The following CFTR variants were observed in gnomAD, a reference collection of about 807,000 sequenced individuals.
The protein encoded by CFTR is CF transmembrane conductance regulator.
Under a neutral mutation model 171.6 loss-of-function variants are expected in CFTR, and 181 were observed. The observed-to-expected ratio is 1.05, with a 90% CI of 0.93 to 1.19. The LOEUF is 1.19. Ranked by LOEUF, CFTR falls within the 50% of genes most tolerant of loss-of-function variation. CFTR has a pLI of 0.00. For missense variants in CFTR, 1,968 were observed against 1,734.7 expected (o/e 1.13, Z -2.39); for synonymous variants, 583 against 608.0 (o/e 0.96, Z 0.60).
intron 20 of CFTR, among the ~76,000 whole-genome samples, chr7:117,612,294 TA>T (rs1487110082): frequency 6.6e-6 from 1 of 150,916 alleles, no homozygotes; most frequent in African/African-American, 2.4e-5. Flanking sequence ...TTGTTTTTTT[TA>T]AATCTCTACT....
intron 4 of CFTR, among the ~76,000 whole-genome samples, chr7:117,532,031 T>C (rs965564002): frequency 6.6e-6 from 1 of 151,622 alleles, no homozygotes. Context: ...AAAACCTTGA[T>C]AACCATACTT....
chr7:117,588,981 A>C (rs182779031), intron 12 of CFTR, among the ~76,000 whole-genome samples: 247 of 152,236 alleles, frequency 1.6e-3, no homozygotes, highest in Middle Eastern at 6.8e-3. Flanking sequence ...TATTCTAAGA[A>C]TTCCACAAAT....
At chr7:117,647,345 G>C (rs1793008491) in intron 23 of CFTR, 1 of 152,052 alleles carries the variant, frequency 6.6e-6, no homozygotes, top group Non-Finnish European at 1.5e-5. Context: ...AATGTAACTG[G>C]CTCACGGTTC....
At chr7:117,616,201 T>C (rs1201831973) in intron 21 of CFTR, 4 of 149,570 alleles carry the variant, frequency 2.7e-5, no homozygotes, top group Admixed American at 6.8e-5. Flanking sequence ...AATTGGAACA[T>C]GATTTATACT....
At chr7:117,525,200 G>A (rs1414450342) in intron 3 of CFTR, among the ~76,000 whole-genome samples, 1 of 152,190 alleles carries the variant, frequency 6.6e-6, no homozygotes, top group Non-Finnish European at 1.5e-5. Context: ...TTCCAGGTTT[G>A]TGATTAGTTT....
At chr7:117,534,428 G>A (rs764110352) in intron 5 of CFTR, 63 bp downstream of exon 5, 15 of 914,200 alleles carry the variant, frequency 1.6e-5, no homozygotes, top group African/African-American at 9.8e-5. Context: ...CTGGAAAGGC[G>A]GAGTTTTCCT....
intron 8 of CFTR, among the ~76,000 whole-genome samples, chr7:117,540,716 G>A (rs897703540): frequency 6.6e-6 from 1 of 152,044 alleles, no homozygotes; most frequent in Admixed American, 6.5e-5. Flanking sequence ...CTTTTTTGCT[G>A]TTTATTTAAA....
At chr7:117,590,691 G>C (rs1792012676) in intron 13 of CFTR, among the ~76,000 whole-genome samples, 1 of 151,950 alleles carries the variant, frequency 6.6e-6, no homozygotes, top group Admixed American at 6.6e-5. Context: ...TATAGCAATT[G>C]CTATCTATGT....
At chr7:117,529,259 C>G (rs1307632707) in intron 3 of CFTR, among the ~76,000 whole-genome samples, 1 of 102,320 alleles carries the variant, frequency 9.8e-6, no homozygotes, top group South Asian at 3.3e-4. Context: ...AGTAAACTAT[C>G]GCAAGAACAA....
chr7:117,491,184 T>C (rs1344442568), intron 1 of CFTR, among the ~76,000 whole-genome samples: 1 of 152,074 alleles, frequency 6.6e-6, no homozygotes, highest in African/African-American at 2.4e-5. Context: ...GGTATTTGCA[T>C]ATCGGAACAT....
At chr7:117,627,419 T>C in intron 21 of CFTR, 103 bp from the exon 22 acceptor site, 1 of 1,179,640 alleles carries the variant, frequency 8.5e-7, no homozygotes, top group South Asian at 1.3e-5. Context: ...AAGTGACAAA[T>C]AGCAAGTGTT....
chr7:117,610,802 C>A, intron 19 of CFTR, 133 bp downstream of exon 19: 1 of 885,410 alleles, frequency 1.1e-6, no homozygotes, highest in Non-Finnish European at 1.7e-6. Context: ...TTTTTTTCTA[C>A]ATGCATGTGT....
chr7:117,658,710 A>G (rs533626684), intron 24 of CFTR, among the ~76,000 whole-genome samples: 15 of 152,134 alleles, frequency 9.9e-5, no homozygotes, highest in Admixed American at 9.8e-4. Context: ...AAGTTCCTCC[A>G]CGGGTACCCA....
chr7:117,572,401 A>G (rs564768669), intron 11 of CFTR, among the ~76,000 whole-genome samples: 2 of 152,322 alleles, frequency 1.3e-5, no homozygotes, highest in South Asian at 4.1e-4. Flanking sequence ...ATTAGTAATC[A>G]TGTTTGACTT....
At chr7:117,530,571 T>C (rs955975673) in intron 3 of CFTR, among the ~76,000 whole-genome samples, 2 of 152,180 alleles carry the variant, frequency 1.3e-5, no homozygotes, top group African/African-American at 2.4e-5. Context: ...AGGGAAATGC[T>C]TTAGAAACTG....
intron 11 of CFTR, among the ~76,000 whole-genome samples, chr7:117,587,447 T>C (rs1161179816): frequency 6.6e-6 from 1 of 152,226 alleles, no homozygotes; most frequent in Non-Finnish European, 1.5e-5. Context: ...CACATATTTA[T>C]ATACCCATAA....
At chr7:117,605,273 T>G (rs1162793113) in intron 17 of CFTR, among the ~76,000 whole-genome samples, 2 of 152,226 alleles carry the variant, frequency 1.3e-5, no homozygotes, top group African/African-American at 4.8e-5. Context: ...TTCTAAACAC[T>G]GTTTATAAAT....
intron 13 of CFTR, among the ~76,000 whole-genome samples, chr7:117,590,947 T>A (rs1792015787): frequency 6.6e-6 from 1 of 152,068 alleles, no homozygotes; most frequent in Non-Finnish European, 1.5e-5. Flanking sequence ...TCCTTGGAAC[T>A]CCTGTTAGGG....
At chr7:117,616,447 A>C (rs1284843868) in intron 21 of CFTR, 2 of 152,158 alleles carry the variant, frequency 1.3e-5, no homozygotes, top group African/African-American at 4.8e-5. Context: ...CTCCTCATGC[A>C]CTTACATGTT....
Sources: allele counts gnomAD v4.1 joint callset (sites outside exome capture counted in the v4.1 genomes callset), GRCh38; gene constraint gnomAD v4.1.1; transcripts MANE v1.5; gene names NCBI Gene and HGNC (gene_info 2026-07-23, HGNC 2026-07-21).